The following CLSTN2 variants were observed in gnomAD, a reference collection of about 807,000 sequenced individuals.
CLSTN2 encodes the protein calsyntenin 2.
CLSTN2 carries 48 observed loss-of-function variants against 101.2 expected under a neutral mutation model. The observed-to-expected ratio is 0.47, with a 90% CI of 0.38 to 0.60. The LOEUF is 0.60. Among genes scored for constraint, CLSTN2 ranks in the 20% least tolerant of loss-of-function variants. The probability of loss-of-function intolerance (pLI) is 0.00; values close to 1 mark genes in which losing one functional copy is unlikely to be tolerated. For missense variants in CLSTN2, 1,160 were observed against 1,238.2 expected (o/e 0.94, Z 0.95); for synonymous variants, 481 against 463.6 (o/e 1.04, Z -0.48).
intron 4 of CLSTN2, among the ~76,000 whole-genome samples, chr3:140,420,879 G>A (rs142062119): frequency 3.2e-5 from 4 of 123,628 alleles, no homozygotes; most frequent in Admixed American, 1.5e-4. Context: ...GCGTGTGCTC[G>A]AAATTCCCTG....
chr3:140,099,185 T>C (rs1014240381), intron 1 of CLSTN2, among the ~76,000 whole-genome samples: 2 of 152,168 alleles, frequency 1.3e-5, no homozygotes, highest in African/African-American at 4.8e-5. Context: ...AGTCCTACTA[T>C]ATTAGCTTCC....
At chr3:140,154,640 C>CTT (rs1560111196) in intron 1 of CLSTN2, among the ~76,000 whole-genome samples, 1 of 108,094 alleles carries the variant, frequency 9.3e-6, no homozygotes, top group East Asian at 2.8e-4. Context: ...GAAGTATCAC[C>CTT]CTTTTTTTTT....
At chr3:140,502,532 T>TTTTG (rs895251487) in intron 8 of CLSTN2, among the ~76,000 whole-genome samples, 1 of 152,210 alleles carries the variant, frequency 6.6e-6, no homozygotes, top group East Asian at 1.9e-4. Context: ...AAGATGAGCT[T>TTTTG]TTTGTTTGTT....
At chr3:140,217,975 T>A (rs1376348638) in intron 2 of CLSTN2, among the ~76,000 whole-genome samples, 1 of 152,192 alleles carries the variant, frequency 6.6e-6, no homozygotes, top group Non-Finnish European at 1.5e-5. Context: ...AAACCTTAAT[T>A]TGATGACTCA....
intron 1 of CLSTN2, among the ~76,000 whole-genome samples, chr3:140,047,540 C>G (rs935089859): frequency 6.6e-6 from 1 of 152,146 alleles, no homozygotes; most frequent in South Asian, 2.1e-4. Context: ...TTTTCTGTTG[C>G]TTGTAATAGA....
At chr3:140,108,115 T>C (rs562778198) in intron 1 of CLSTN2, among the ~76,000 whole-genome samples, 1 of 152,308 alleles carries the variant, frequency 6.6e-6, no homozygotes, top group Non-Finnish European at 1.5e-5. Flanking sequence ...AAATTACTTT[T>C]TCAGACAGCA....
chr3:140,300,703 A>G (rs560895722), intron 2 of CLSTN2, among the ~76,000 whole-genome samples: 1 of 152,250 alleles, frequency 6.6e-6, no homozygotes. Flanking sequence ...AACTCAAGAT[A>G]TCTTTACACT....
intron 8 of CLSTN2, among the ~76,000 whole-genome samples, chr3:140,514,911 CTCTT>C (rs1347640622): frequency 2.0e-5 from 3 of 152,046 alleles, no homozygotes; most frequent in South Asian, 2.1e-4. Flanking sequence ...GGAGGACTCT[CTCTT>C]TCTCTATCTT....
chr3:140,159,378 C>A (rs1385145880), intron 1 of CLSTN2, among the ~76,000 whole-genome samples: 1 of 152,100 alleles, frequency 6.6e-6, no homozygotes, highest in East Asian at 1.9e-4. Context: ...ACAGACACTT[C>A]TCAAAAGAAG....
chr3:140,016,763 C>T (rs565542758), intron 1 of CLSTN2, among the ~76,000 whole-genome samples: 6 of 130,862 alleles, frequency 4.6e-5, no homozygotes, highest in African/African-American at 1.7e-4. Flanking sequence ...CATACTACTG[C>T]ACTCCAGCCT....
At chr3:140,497,296 T>G (rs1559886673) in intron 8 of CLSTN2, among the ~76,000 whole-genome samples, 1 of 151,988 alleles carries the variant, frequency 6.6e-6, no homozygotes, top group African/African-American at 2.4e-5. Context: ...GATCAGAGTT[T>G]TATTCATATA....
intron 1 of CLSTN2, among the ~76,000 whole-genome samples, chr3:140,110,312 G>A (rs576523629): frequency 2.0e-5 from 3 of 152,082 alleles, no homozygotes; most frequent in Admixed American, 6.5e-5. Flanking sequence ...ATTAACAAAG[G>A]AAATTTTAAA....
rs1267418110 is a variant in CLSTN2, at chr3:140,572,081, G to A, written c.*5828G>A. On this transcript the variant is annotated 3_prime_UTR_variant, in exon 17 of 17. Transcript: ENST00000458420. ...GGAGCTCTTGGCCTGTGAGCTGTTG[G>A]GATGTCCCTTTGTGGTGTTGGAAGC... 6.6e-6 allele frequency: 1 copy of A among 152,372 alleles called. No homozygotes were observed. The highest frequency in any genetic ancestry group is 1.5e-5 in the Non-Finnish European group (1 of 68,166). The allele number at this position is 152,372 out of a possible 1,614,324, so 9.4% of individuals were successfully genotyped here.
intron 2 of CLSTN2, among the ~76,000 whole-genome samples, chr3:140,214,843 T>G (rs1417363270): frequency 4.6e-5 from 7 of 152,252 alleles, no homozygotes; most frequent in Non-Finnish European, 1.0e-4. Flanking sequence ...TTATCTGTTT[T>G]CTTACACTTT....
At chr3:140,392,107 A>C (rs528873231) in intron 2 of CLSTN2, among the ~76,000 whole-genome samples, 1 of 151,972 alleles carries the variant, frequency 6.6e-6, no homozygotes, top group Non-Finnish European at 1.5e-5. Flanking sequence ...ATTTATTTCT[A>C]TGAGCTTTTA....
intron 2 of CLSTN2, among the ~76,000 whole-genome samples, chr3:140,342,052 T>C (rs1366309680): frequency 6.6e-6 from 1 of 152,194 alleles, no homozygotes; most frequent in African/African-American, 2.4e-5. Context: ...TCTTCAGTTA[T>C]ACCTTGTCAT....
At chr3:140,288,571 C>T (rs972597665) in intron 2 of CLSTN2, among the ~76,000 whole-genome samples, 1 of 152,100 alleles carries the variant, frequency 6.6e-6, no homozygotes, top group Admixed American at 6.6e-5. Flanking sequence ...TTCCCAAGTC[C>T]AAGACATCAT....
chr3:140,036,643 T>C (rs1235629881), intron 1 of CLSTN2, among the ~76,000 whole-genome samples: 1 of 152,042 alleles, frequency 6.6e-6, no homozygotes, highest in Non-Finnish European at 1.5e-5. Flanking sequence ...GTGAACATAT[T>C]GTTAATATCC....
At chr3:140,537,482 G>A (rs1469071053) in intron 9 of CLSTN2, among the ~76,000 whole-genome samples, 2 of 151,912 alleles carry the variant, frequency 1.3e-5, no homozygotes, top group East Asian at 1.9e-4. Flanking sequence ...CTGTGCAGTC[G>A]GGATGAACCT....
Sources: gnomAD v4.1 joint callset for allele counts (sites outside exome capture counted in the v4.1 genomes callset) on GRCh38, gnomAD v4.1.1 for gene constraint, MANE v1.5 for transcripts, NCBI Gene and HGNC (gene_info 2026-07-23, HGNC 2026-07-21) for gene names.